Variants in SLC8A3 observed in about 807,000 individuals in gnomAD.
SLC8A3 encodes the protein solute carrier family 8 member A3.
Under a neutral mutation model 65.4 loss-of-function variants are expected in SLC8A3, and 37 were observed. The ratio of observed to expected loss-of-function variants is 0.57; its 90% CI spans 0.44 to 0.74. SLC8A3 has a LOEUF of 0.74. SLC8A3 is among the 30% of genes least tolerant of loss of function. The pLI, the probability that SLC8A3 is intolerant of heterozygous loss-of-function variation, is 0.00. For missense variants in SLC8A3, 1,112 were observed against 1,172.1 expected (o/e 0.95, Z 0.75); for synonymous variants, 461 against 444.5 (o/e 1.04, Z -0.47).
chr14:70,046,151 T>C lies in SLC8A3; in HGVS notation c.2562A>G (p.Thr854=), dbSNP rs748549885. The change falls in exon 7 of 7, where the codon ACA becomes ACG. Residue 854 remains threonine, a synonymous_variant. Coordinates refer to ENST00000356921, the MANE Select transcript of SLC8A3 (RefSeq NM_182932.3). The surrounding 1 kb of genome is among the most constrained non-coding windows in gnomAD (Gnocchi z 4.2). ...QGQEFHVSAG[T]LAFSVTLFTI... Reference sequence around the variant, plus strand: ...TGAAGAGGGTGACGGAGAAGGCCAGTGTGCCGGCCGACACGTGGAACTCCT... The same window carrying C: ...TGAAGAGGGTGACGGAGAAGGCCAGCGTGCCGGCCGACACGTGGAACTCCT... 5.6e-6 allele frequency: 9 copies of C among 1,614,198 alleles called. No homozygotes were observed. The highest frequency in any genetic ancestry group is 6.8e-6 in the Non-Finnish European group (8 of 1,180,028).
At position 70,167,193 on chromosome 14, in the gene SLC8A3, G is replaced by A; in HGVS notation, c.1230C>T (p.Asn410=). The A allele has an allele frequency of 6.2e-7, 1 of 1,614,152 alleles. No individual in the cohort carries two copies. The highest frequency in any genetic ancestry group is 1.1e-5 in the South Asian group (1 of 91,080). ...FDPCSYQCLE[N]CGAVLLTVVR... is the part of the protein sequence containing the mutation. ...CCACTGTCAGGAGTACAGCCCCACA[G>A]TTCTCCAGGCACTGGTAAGAACATG... Residue 410 remains asparagine, a synonymous_variant, in exon 2 of 7, where the codon AAC becomes AAT. Coordinates refer to ENST00000356921, the MANE Select transcript of SLC8A3 (RefSeq NM_182932.3).
intron 2 of SLC8A3, among the ~76,000 whole-genome samples, chr14:70,147,455 G>A (rs1895996858): frequency 6.6e-6 from 1 of 152,152 alleles, no homozygotes; most frequent in Non-Finnish European, 1.5e-5. Context: ...TCCCTCAAGT[G>A]TGAGTGGGAC....
chr14:70,144,638 A>G (rs1256842739), intron 2 of SLC8A3, among the ~76,000 whole-genome samples: 2 of 151,594 alleles, frequency 1.3e-5, no homozygotes, highest in African/African-American at 4.9e-5. Flanking sequence ...TAAAAAAAAA[A>G]AAAGAAAAAA....
At position 70,087,489 on chromosome 14, in the gene SLC8A3, T is replaced by C. The variant is rs528006998; in HGVS notation, c.1785-26550A>G. Among the ~76,000 whole-genome samples, 3 of 152,354 alleles carry C rather than the reference T, an allele frequency of 2.0e-5. No individual in the cohort carries two copies. In the South Asian group the frequency reaches 6.2e-4, roughly 32 times the overall value. ...AGGTTCAGACACTTGCCATTTGATC[T>C]CATTTATCTGCACTTTTTTTTCCTT... On this transcript the variant is annotated intron_variant, in intron 2 of 6. Transcript: ENST00000356921.
chr14:70,130,070 G>A (rs1405623364), intron 2 of SLC8A3, among the ~76,000 whole-genome samples: 1 of 152,132 alleles, frequency 6.6e-6, no homozygotes, highest in Non-Finnish European at 1.5e-5. Context: ...TCAATGAATT[G>A]TTTACTGAGC....
At position 70,049,001 on chromosome 14, in the gene SLC8A3, G is replaced by A. The variant is rs1322198177; in HGVS notation, c.2155C>T (p.Pro719Ser). ...DEDESGEERL[P>S]SCFDYVMHFL... The stretch of plus-strand genomic sequence containing the variant: ...TGCATGACGTAGTCAAAGCAGGAGG[G>A]CAGCCTCTCCTCCCCGGATTCATCC... Residue 719 changes from proline (P) to serine (S), a missense_variant, in exon 6 of 7, where the codon CCC becomes TCC. Pro to Ser is a moderately conservative substitution (Grantham distance 74). Transcript: ENST00000356921. 3.1e-6 allele frequency: 5 copies of A among 1,613,738 alleles called. No homozygotes were observed. Among genetic ancestry groups the A allele is most frequent in the Non-Finnish European group, 4.2e-6 (5 of 1,179,792 alleles).
chr14:70,053,111 C>T (rs1236987256), intron 3 of SLC8A3, among the ~76,000 whole-genome samples: 1 of 152,202 alleles, frequency 6.6e-6, no homozygotes, highest in African/African-American at 2.4e-5. Flanking sequence ...TGTGTGGAGA[C>T]TTCCTGAGTT....
At chr14:70,134,964 C>A (rs1895089044) in intron 2 of SLC8A3, among the ~76,000 whole-genome samples, 1 of 152,168 alleles carries the variant, frequency 6.6e-6, no homozygotes, top group Non-Finnish European at 1.5e-5. Flanking sequence ...GGGTGGACCT[C>A]TCTAATCGTA....
chr14:70,044,315 CTTTTTT>C lies in SLC8A3; in HGVS notation c.*1626_*1631del, dbSNP rs1333582468. Reference sequence around the variant, plus strand: ...ATAGCTTATGACATGAGCACTGTTTCTTTTTTAATTATTTTTTTCTTAAAAAATGTG... The same window carrying C: ...ATAGCTTATGACATGAGCACTGTTTCAATTATTTTTTTCTTAAAAAATGTG... On this transcript the variant is annotated 3_prime_UTR_variant, in exon 7 of 7. Coordinates refer to ENST00000356921, the MANE Select transcript of SLC8A3 (RefSeq NM_182932.3). The C allele has an allele frequency of 6.6e-6, 1 of 151,078 alleles. No homozygotes were observed. Among genetic ancestry groups the C allele is most frequent in the Admixed American group, 6.6e-5 (1 of 15,154 alleles). The allele number at this position is 151,078 out of a possible 1,614,324, so 9.4% of individuals were successfully genotyped here.
At chr14:70,160,632 G>A (rs538573667) in intron 2 of SLC8A3, among the ~76,000 whole-genome samples, 16 of 152,216 alleles carry the variant, frequency 1.1e-4, no homozygotes, top group African/African-American at 3.9e-4. Context: ...AGGGGCACTG[G>A]ATACTCTGCT....
At chr14:70,188,223 G>T (rs1883505077) in intron 1 of SLC8A3, among the ~76,000 whole-genome samples, 156 bp downstream of exon 1, 1 of 152,162 alleles carries the variant, frequency 6.6e-6, no homozygotes, top group South Asian at 2.1e-4. Context: ...AAATCCACAG[G>T]AAGGCGGTTC....
At chr14:70,129,662 G>A (rs1894692308) in intron 2 of SLC8A3, among the ~76,000 whole-genome samples, 1 of 152,188 alleles carries the variant, frequency 6.6e-6, no homozygotes, top group African/African-American at 2.4e-5. Flanking sequence ...GGCCAAGAGG[G>A]AGATAGTTGT....
chr14:70,110,837 C>T (rs59682775), intron 2 of SLC8A3, among the ~76,000 whole-genome samples: 82 of 152,194 alleles, frequency 5.4e-4, no homozygotes, highest in African/African-American at 1.9e-3. Context: ...CCCGCCACCG[C>T]GCCTGGCTAA....
chr14:70,061,061 G>A (rs1888748434), intron 2 of SLC8A3, 122 bp from the exon 3 acceptor site: 1 of 578,506 alleles, frequency 1.7e-6, no homozygotes, highest in Non-Finnish European at 3.1e-6. Flanking sequence ...TCCCACCATG[G>A]TGGCTTTCAA....
chr14:70,090,619 GAAAAACTT>G (rs374512500), intron 2 of SLC8A3, among the ~76,000 whole-genome samples: 38 of 152,222 alleles, frequency 2.5e-4, no homozygotes, highest in African/African-American at 9.2e-4. Flanking sequence ...CAGTCTTTTG[GAAAAACTT>G]GTATATATAT....
intron 1 of SLC8A3, among the ~76,000 whole-genome samples, chr14:70,173,683 C>T (rs1185663599): frequency 6.6e-6 from 1 of 152,184 alleles, no homozygotes; most frequent in Non-Finnish European, 1.5e-5. Context: ...GTGTCATAGC[C>T]AATTTACATA....
intron 2 of SLC8A3, among the ~76,000 whole-genome samples, chr14:70,117,718 C>T (rs894338080): frequency 6.6e-6 from 1 of 152,142 alleles, no homozygotes; most frequent in African/African-American, 2.4e-5. Context: ...TGCACGTGCA[C>T]CTTTCATATA....
chr14:70,095,447 T>C (rs968618866), intron 2 of SLC8A3, among the ~76,000 whole-genome samples: 10 of 152,194 alleles, frequency 6.6e-5, no homozygotes, highest in Non-Finnish European at 1.0e-4. Flanking sequence ...TCTCCATCTG[T>C]GAAAAGCACA....
intron 2 of SLC8A3, among the ~76,000 whole-genome samples, chr14:70,144,230 T>A (rs1034523254): frequency 6.7e-6 from 1 of 149,306 alleles, no homozygotes. Context: ...CCACAGCCTC[T>A]CTTTCCATTC....
Sources: allele counts gnomAD v4.1 joint callset (sites outside exome capture counted in the v4.1 genomes callset), GRCh38; gene constraint gnomAD v4.1.1; non-coding constraint Gnocchi (gnomAD v3.1); transcripts MANE v1.5; gene names NCBI Gene and HGNC (gene_info 2026-07-23, HGNC 2026-07-21).